Variants in RYR3 observed in about 807,000 individuals in gnomAD.
RYR3 encodes the protein brain ryanodine receptor-calcium release channel.
In RYR3, 207 loss-of-function variants were observed where a neutral mutation model predicts 584.3. The ratio of observed to expected loss-of-function variants is 0.35; its 90% CI spans 0.32 to 0.40. The LOEUF (loss-of-function observed/expected upper bound fraction) is 0.40, where lower values mean the gene tolerates loss of function less well. RYR3 is among the 10% of genes least tolerant of loss of function. The pLI is 1.00. For missense variants in RYR3, 5,616 were observed against 6,089.2 expected, an observed-to-expected ratio of 0.92 and a Z score of 2.59; for synonymous variants, 2,416 against 2,248.5, an observed-to-expected ratio of 1.07 and a Z score of -2.11.
intron 2 of RYR3, among the ~76,000 whole-genome samples, chr15:33,484,893 A>T (rs923672209): frequency 6.6e-6 from 1 of 152,130 alleles, no homozygotes; most frequent in African/African-American, 2.4e-5. Context: ...TTCAAAAGAG[A>T]GGTTGGGATG....
rs1252880006 is a variant in RYR3, at chr15:33,601,474, A to G, written c.1844A>G (p.Asn615Ser). Residue 615 changes from asparagine to serine, a missense_variant, in exon 17 of 104, where the codon AAC (asparagine) becomes AGC (serine). Physicochemically the swap from Asn to Ser is conservative, Grantham distance 46 (BLOSUM62 1). Transcript: ENST00000634891. ...CLCNGVAVRA[N>S]QNLICDNLLP... Reference sequence around the variant, plus strand: ...TGCAATGGGGTTGCAGTGAGAGCCAACCAGAATCTGATCTGTGACAACTTG... The same window carrying G: ...TGCAATGGGGTTGCAGTGAGAGCCAGCCAGAATCTGATCTGTGACAACTTG... 1.9e-6 allele frequency: 3 copies of G among 1,613,572 alleles called. No homozygotes were observed. The highest frequency in any genetic ancestry group is 2.2e-5 in the South Asian group (2 of 90,958).
chr15:33,379,687 C>CTCTCTCTCTCTCTCTCTCTCTATA, intron 1 of RYR3, among the ~76,000 whole-genome samples: 4 of 125,520 alleles, frequency 3.2e-5, no homozygotes, highest in African/African-American at 1.4e-4. Flanking sequence ...CTCTCTCTCT[C>CTCTCTCTCTCTCTCTCTCTCTATA]TATATATATA....
intron 1 of RYR3, among the ~76,000 whole-genome samples, chr15:33,319,789 G>C (rs1446961572): frequency 6.6e-6 from 1 of 152,196 alleles, no homozygotes; most frequent in African/African-American, 2.4e-5. Flanking sequence ...AATCTGGAGA[G>C]AGTAGCTTGG....
rs79208276 is a variant in RYR3 at position 33,404,087 on chromosome 15, G to T, written c.52-69332G>T. 9.2e-3 allele frequency among the ~76,000 whole-genome samples: 1,406 copies of T among 152,300 alleles called. 18 individuals are homozygous for T. Among genetic ancestry groups the T allele is most frequent in the African/African-American group, 0.025 (1,049 of 41,564 alleles). Reference sequence around the variant, plus strand: ...AGTGTTTTTGCCTCTCCATTTGAGGGATGAATTTGGTCGTAAAATAACAGT... The same window carrying T: ...AGTGTTTTTGCCTCTCCATTTGAGGTATGAATTTGGTCGTAAAATAACAGT... On this transcript the variant is annotated intron_variant, in intron 1 of 103. Transcript: ENST00000634891.
rs542455514 is a variant in RYR3 at position 33,863,401 on chromosome 15, A to C, written c.14466-737A>C. The stretch of plus-strand genomic sequence containing the variant: ...ACACTATACCACCATGACAGAACTC[A>C]AGATCTGGGGCTTAGACTCTCCACC... On this transcript the variant is annotated intron_variant, in intron 102 of 103. Transcript: ENST00000634891. Among the ~76,000 whole-genome samples the C allele has an allele frequency of 2.0e-5, 3 of 152,302 alleles. No homozygotes were observed. The East Asian group carries it at 5.8e-4, about 29-fold the overall frequency.
chr15:33,477,564 T>A (rs551498181), intron 2 of RYR3, among the ~76,000 whole-genome samples: 2 of 128,592 alleles, frequency 1.6e-5, no homozygotes, highest in African/African-American at 3.3e-5. Context: ...TTTAAAGGTA[T>A]CTTGTTTTGT....
chr15:33,448,927 C>T (rs971691635), intron 1 of RYR3, among the ~76,000 whole-genome samples: 67 of 152,138 alleles, frequency 4.4e-4, no homozygotes, highest in African/African-American at 1.6e-3. Context: ...TCCTCGTCTT[C>T]CACAGGTTTA....
intron 19 of RYR3, among the ~76,000 whole-genome samples, chr15:33,621,837 A>G (rs888633310): frequency 3.9e-5 from 6 of 152,180 alleles, no homozygotes; most frequent in African/African-American, 1.4e-4. Flanking sequence ...CACGATCACA[A>G]TTATGCAGCC....
intron 60 of RYR3, among the ~76,000 whole-genome samples, chr15:33,758,895 T>C (rs1157812435): frequency 6.6e-6 from 1 of 152,052 alleles, no homozygotes; most frequent in Non-Finnish European, 1.5e-5. Flanking sequence ...AGAGGAGAGC[T>C]CCAGCTGGCA....
At chr15:33,550,344 C>T in intron 10 of RYR3, 28 bp downstream of exon 10, 1 of 1,596,252 alleles carries the variant, frequency 6.3e-7, no homozygotes, top group Non-Finnish European at 8.5e-7. Context: ...GGACTTTGAC[C>T]CTGTTCTAAA....
At position 33,838,674 on chromosome 15, in the gene RYR3, C is replaced by G; in HGVS notation, c.12694C>G (p.Leu4232Val). The G allele has an allele frequency of 6.2e-7, 1 of 1,613,932 alleles. No homozygotes were observed. Among genetic ancestry groups the G allele is most frequent in the Non-Finnish European group, 8.5e-7 (1 of 1,179,882 alleles). ...GAKNIRVTKI[L>V]GDMPDPTQFG... ...AAAGAACATCAGAGTGACCAAGATCCTGGGTGACATGCCTGACCCAACCCA... is the reference window on the plus strand; with the variant it reads ...AAAGAACATCAGAGTGACCAAGATCGTGGGTGACATGCCTGACCCAACCCA... The change falls in exon 89 of 104, where the codon CTG becomes GTG. Residue 4232 changes from leucine to valine, a missense_variant. Transcript: ENST00000634891.
intron 38 of RYR3, among the ~76,000 whole-genome samples, chr15:33,683,777 G>A (rs373645955): frequency 1.3e-5 from 2 of 152,234 alleles, no homozygotes; most frequent in East Asian, 1.9e-4. Flanking sequence ...AGAAACTTCC[G>A]CCCAAATACT....
At chr15:33,428,266 A>G (rs942385567) in intron 1 of RYR3, among the ~76,000 whole-genome samples, 1 of 152,186 alleles carries the variant, frequency 6.6e-6, no homozygotes, top group Non-Finnish European at 1.5e-5. Flanking sequence ...TTCCATATCA[A>G]ATGGCACAAT....
At chr15:33,554,789 G>A (rs1156813439) in intron 10 of RYR3, among the ~76,000 whole-genome samples, 1 of 152,186 alleles carries the variant, frequency 6.6e-6, no homozygotes, top group African/African-American at 2.4e-5. Flanking sequence ...AAGGATTTCA[G>A]ATAATGTGAT....
intron 13 of RYR3, among the ~76,000 whole-genome samples, chr15:33,580,665 C>T (rs145671717): frequency 6.1e-4 from 93 of 152,298 alleles, no homozygotes; most frequent in Non-Finnish European, 1.2e-3. Flanking sequence ...GGTTCCATCT[C>T]CAGCTGTGTG....
intron 60 of RYR3, chr15:33,757,877 G>A (rs1193441509): frequency 2.7e-5 from 11 of 413,432 alleles, no homozygotes; most frequent in Middle Eastern, 7.3e-4. Context: ...GAACAGCTCT[G>A]GTCTGTAGCT....
Position 33,835,084 on chromosome 15 carries a change from C to T in RYR3, c.11568+12C>T. 6.3e-7 allele frequency: 1 copy of T among 1,582,668 alleles called. No individual in the cohort carries two copies. Among genetic ancestry groups the T allele is most frequent in the Non-Finnish European group, 8.7e-7 (1 of 1,152,624 alleles). The stretch of plus-strand genomic sequence containing the variant: ...TGAAACTCTCTCAGGTACTGTGGCC[C>T]ATTCCCTGCACGTGTCATTGTTGTG... On this transcript the variant is annotated intron_variant, in intron 87 of 103. Coordinates refer to ENST00000634891, the MANE Select transcript of RYR3 (RefSeq NM_001036.6).
intron 3 of RYR3, among the ~76,000 whole-genome samples, chr15:33,512,230 A>G (rs1441055400): frequency 1.3e-5 from 2 of 152,066 alleles, no homozygotes; most frequent in Non-Finnish European, 2.9e-5. Context: ...CTATTATGCA[A>G]CTCCAGCTCT....
intron 43 of RYR3, among the ~76,000 whole-genome samples, chr15:33,711,861 G>T (rs191439975): frequency 1.3e-5 from 2 of 152,266 alleles, no homozygotes; most frequent in Non-Finnish European, 2.9e-5. Context: ...CACCTACCCA[G>T]TTCCAAAGCT....
Sources: allele counts gnomAD v4.1 joint callset (sites outside exome capture counted in the v4.1 genomes callset), GRCh38; gene constraint gnomAD v4.1.1; transcripts MANE v1.5; gene names NCBI Gene and HGNC (gene_info 2026-07-23, HGNC 2026-07-21).